WASF1: variants seen among roughly 807,000 people sequenced by gnomAD.
The protein encoded by WASF1 is WASP family member 1, also known as actin-binding protein WASF1.
In WASF1, 7 loss-of-function variants were observed where a neutral mutation model predicts 50.5. That is an observed-to-expected ratio of 0.14 (90% CI 0.08 to 0.26). The LOEUF is 0.26. Ranked by LOEUF, WASF1 falls within the 10% of genes least tolerant of loss-of-function variation. The pLI, the probability that WASF1 is intolerant of heterozygous loss-of-function variation, is 1.00. For missense variants in WASF1, 470 were observed against 694.7 expected (o/e 0.68, Z 3.64); for synonymous variants, 205 against 244.0 (o/e 0.84, Z 1.49).
intron 3 of WASF1, among the ~76,000 whole-genome samples, chr6:110,143,780 G>A (rs966541568): frequency 2.0e-5 from 3 of 152,010 alleles, no homozygotes; most frequent in Admixed American, 1.3e-4. Flanking sequence ...AATAATTTAC[G>A]ATCATTTAAA....
intron 4 of WASF1, among the ~76,000 whole-genome samples, chr6:110,114,254 C>T (rs1773695637): frequency 6.6e-6 from 1 of 152,162 alleles, no homozygotes. Context: ...TTGTGAGACT[C>T]ATTCAAAGTG....
chr6:110,127,512 G>A lies in WASF1; in HGVS notation c.90C>T (p.Thr30=), dbSNP rs145149915. 5.0e-6 allele frequency: 8 copies of A among 1,603,026 alleles called. No homozygotes were observed. The African/African-American group carries it at 1.1e-4, about 22-fold the overall frequency. ...TAATTATATTTGCCAAGGAAATATT[G>A]GTTACACATTCCAGTTCATTCTTAA... ...RGIKNELECV[T]NISLANIIRQ... is the part of the protein sequence containing the mutation. Residue 30 remains threonine, a synonymous_variant, in exon 4 of 11, where the codon ACC becomes ACT. Transcript: ENST00000392589.
intron 4 of WASF1, among the ~76,000 whole-genome samples, chr6:110,122,434 T>C (rs1158943006): frequency 6.6e-6 from 1 of 152,114 alleles, no homozygotes; most frequent in Non-Finnish European, 1.5e-5. Flanking sequence ...TTTAGAGAAA[T>C]GAAGAAGCAA....
intron 2 of WASF1, among the ~76,000 whole-genome samples, chr6:110,167,192 A>G (rs890572888): frequency 3.3e-5 from 5 of 151,218 alleles, no homozygotes; most frequent in Non-Finnish European, 7.4e-5. Flanking sequence ...CAGTTACATA[A>G]AAGTATAGTT....
At chr6:110,171,412 G>C (rs1776707164) in intron 2 of WASF1, among the ~76,000 whole-genome samples, 1 of 152,046 alleles carries the variant, frequency 6.6e-6, no homozygotes, top group South Asian at 2.1e-4. Flanking sequence ...CAAAATGTGT[G>C]GGATACATCA....
chr6:110,138,721 CTG>C (rs1441504030), intron 3 of WASF1, among the ~76,000 whole-genome samples: 12 of 152,168 alleles, frequency 7.9e-5, no homozygotes, highest in African/African-American at 2.9e-4. Context: ...GTCCCAATGT[CTG>C]TGTGAATCTG....
Position 110,100,525 on chromosome 6 carries a change from C to T in WASF1, c.1677G>A (p.Glu559=), listed in dbSNP as rs1314502918. 6.2e-7 allele frequency: 1 copy of T among 1,608,708 alleles called. No homozygotes were observed. The highest frequency in any genetic ancestry group is 8.5e-7 in the Non-Finnish European group (1 of 1,177,280). Residue 559 remains glutamate, a synonymous_variant, in exon 11 of 11, where the codon GAG becomes GAA. Coordinates refer to ENST00000392589, the MANE Select transcript of WASF1 (RefSeq NM_003931.3). ...AATATTTATCAATGCATTTTTCTTACTCCAACCAATCTACTTCATCAAATT... is the reference window on the plus strand; with the variant it reads ...AATATTTATCAATGCATTTTTCTTATTCCAACCAATCTACTTCATCAAATT... ...DSEFDEVDWL[E]
intron 4 of WASF1, among the ~76,000 whole-genome samples, chr6:110,121,717 A>C (rs1774136087): frequency 6.6e-6 from 1 of 152,228 alleles, no homozygotes; most frequent in African/African-American, 2.4e-5. Context: ...TCATGCTACT[A>C]TAAAGACAAA....
intron 9 of WASF1, 59 bp from the exon 10 acceptor site, chr6:110,102,275 C>A: frequency 7.5e-7 from 1 of 1,337,662 alleles, no homozygotes; most frequent in South Asian, 2.8e-5. Flanking sequence ...AAGAGAAAAT[C>A]TAACCACACA....
intron 4 of WASF1, among the ~76,000 whole-genome samples, chr6:110,121,906 C>A (rs1774147734): frequency 6.6e-6 from 1 of 151,908 alleles, no homozygotes; most frequent in Non-Finnish European, 1.5e-5. Flanking sequence ...AAGCTGGAAA[C>A]CATCATTCTA....
intron 3 of WASF1, among the ~76,000 whole-genome samples, chr6:110,134,129 C>T (rs977053968): frequency 1.1e-4 from 17 of 152,076 alleles, no homozygotes; most frequent in African/African-American, 3.9e-4. Flanking sequence ...GTTGGTCAGG[C>T]TGGGTCTCGA....
chr6:110,168,845 T>C (rs1776580133), intron 2 of WASF1, among the ~76,000 whole-genome samples: 1 of 152,096 alleles, frequency 6.6e-6, no homozygotes, highest in South Asian at 2.1e-4. Flanking sequence ...TGCCTCATTA[T>C]TATAAAACAA....
intron 3 of WASF1, among the ~76,000 whole-genome samples, chr6:110,135,411 C>T (rs1346722029): frequency 6.6e-6 from 1 of 152,010 alleles, no homozygotes; most frequent in African/African-American, 2.4e-5. Flanking sequence ...TACTACCTGC[C>T]CAAGATTTTA....
chr6:110,121,228 C>G (rs966343116), intron 4 of WASF1, among the ~76,000 whole-genome samples: 3 of 152,174 alleles, frequency 2.0e-5, no homozygotes, highest in Non-Finnish European at 4.4e-5. Context: ...GCAAAAGCAA[C>G]TACCATCAGA....
chr6:110,119,198 C>A (rs941376789), intron 4 of WASF1, among the ~76,000 whole-genome samples: 4 of 151,966 alleles, frequency 2.6e-5, no homozygotes, highest in African/African-American at 9.7e-5. Context: ...AAGATCAGAG[C>A]AGAACTGAAG....
At chr6:110,130,882 T>C (rs1203333352) in intron 3 of WASF1, among the ~76,000 whole-genome samples, 1 of 152,166 alleles carries the variant, frequency 6.6e-6, no homozygotes, top group African/African-American at 2.4e-5. Context: ...AAATTCTAGC[T>C]GTTCTTGAGG....
intron 2 of WASF1, among the ~76,000 whole-genome samples, chr6:110,161,112 C>G (rs1776245835): frequency 6.6e-6 from 1 of 151,468 alleles, no homozygotes; most frequent in African/African-American, 2.4e-5. Context: ...TTCAAGATGT[C>G]TTCCTCTAAC....
In WASF1 at chr6:110,174,377, G is replaced by T. The variant is rs1776840532; in HGVS notation, c.-127+4221C>A. On this transcript the variant is annotated intron_variant, in intron 2 of 10. Transcript: ENST00000392589. ...GACCTGTCCTTTTTAGCACCTACTTGGCCCTCAATAATTATGTGCTGATTA... is the reference window on the plus strand; with the variant it reads ...GACCTGTCCTTTTTAGCACCTACTTTGCCCTCAATAATTATGTGCTGATTA... Among the ~76,000 whole-genome samples the T allele has an allele frequency of 3.9e-5, 6 of 152,222 alleles. No individual in the cohort carries two copies. In the South Asian group the frequency reaches 1.2e-3, roughly 32 times the overall value.
chr6:110,143,278 T>C (rs1028131476), intron 3 of WASF1, among the ~76,000 whole-genome samples: 6 of 151,994 alleles, frequency 3.9e-5, no homozygotes, highest in African/African-American at 1.2e-4. Flanking sequence ...AAAGCCCTCT[T>C]TTAAGAAGGC....
Sources: gnomAD v4.1 joint callset for allele counts (sites outside exome capture counted in the v4.1 genomes callset) on GRCh38, gnomAD v4.1.1 for gene constraint, MANE v1.5 for transcripts, NCBI Gene and HGNC (gene_info 2026-07-23, HGNC 2026-07-21) for gene names.